Variants in PLEKHA5 observed in about 807,000 individuals in gnomAD.
PLEKHA5 encodes the protein pleckstrin homology domain-containing family A member 5.
Under a neutral mutation model 181.9 loss-of-function variants are expected in PLEKHA5, and 55 were observed. The observed-to-expected ratio is 0.30, with a 90% confidence interval of 0.24 to 0.38. PLEKHA5 has a LOEUF of 0.38. Ranked by LOEUF, PLEKHA5 falls within the 10% of genes least tolerant of loss-of-function variation. PLEKHA5 has a pLI of 1.00. For missense variants in PLEKHA5, 1,432 were observed against 1,549.5 expected (o/e 0.92, Z 1.27); for synonymous variants, 535 against 529.4 (o/e 1.01, Z -0.15).
At chr12:19,302,351 A>G (rs1218673271) in intron 15 of PLEKHA5, among the ~76,000 whole-genome samples, 2 of 152,236 alleles carry the variant, frequency 1.3e-5, no homozygotes, top group Non-Finnish European at 2.9e-5. Flanking sequence ...CTAAGTTACA[A>G]GACAGCTTGA....
chr12:19,217,846 T>A (rs2058240594), intron 3 of PLEKHA5, among the ~76,000 whole-genome samples: 1 of 152,192 alleles, frequency 6.6e-6, no homozygotes, highest in African/African-American at 2.4e-5. Flanking sequence ...AGGGAAGAAG[T>A]GTGCTTTTTA....
At chr12:19,226,317 C>T (rs2059683188) in intron 3 of PLEKHA5, among the ~76,000 whole-genome samples, 1 of 152,084 alleles carries the variant, frequency 6.6e-6, no homozygotes, top group South Asian at 2.1e-4. Context: ...GTAAATGCTA[C>T]GTTTTGTTTT....
chr12:19,303,070 C>T (rs1307355963), intron 15 of PLEKHA5, among the ~76,000 whole-genome samples: 2 of 151,362 alleles, frequency 1.3e-5, no homozygotes, highest in East Asian at 3.9e-4. Flanking sequence ...TACAGGCGCA[C>T]ACCACCGCAC....
At chr12:19,358,980 C>A (rs566138871) in intron 27 of PLEKHA5, among the ~76,000 whole-genome samples, 1 of 152,256 alleles carries the variant, frequency 6.6e-6, no homozygotes, top group South Asian at 2.1e-4. Context: ...GCAGCCTAGC[C>A]AACCTGTTCA....
At chr12:19,225,579 A>C (rs1200081966) in intron 3 of PLEKHA5, among the ~76,000 whole-genome samples, 1 of 152,200 alleles carries the variant, frequency 6.6e-6, no homozygotes, top group African/African-American at 2.4e-5. Flanking sequence ...GACAGTAGGA[A>C]ACAATCTGTT....
chr12:19,200,520 A>G (rs1052860602), intron 3 of PLEKHA5: 21 of 1,356,878 alleles, frequency 1.5e-5, no homozygotes, highest in Admixed American at 3.1e-5. Context: ...ATCTTTGATT[A>G]CTCACCTCAG....
chr12:19,254,878 G>T (rs542826794), intron 4 of PLEKHA5, among the ~76,000 whole-genome samples, 167 bp from the exon 5 acceptor site: 1 of 152,168 alleles, frequency 6.6e-6, no homozygotes, highest in African/African-American at 2.4e-5. Flanking sequence ...TAGGAAAAGC[G>T]TTAGCTGTAT....
chr12:19,354,851 T>C (rs1274871539), intron 26 of PLEKHA5, among the ~76,000 whole-genome samples: 3 of 152,184 alleles, frequency 2.0e-5, no homozygotes, highest in Non-Finnish European at 4.4e-5. Context: ...AAGTTTCTTT[T>C]GATCAGCCTA....
intron 3 of PLEKHA5, among the ~76,000 whole-genome samples, chr12:19,167,010 C>G (rs1475435382): frequency 6.6e-6 from 1 of 152,218 alleles, no homozygotes; most frequent in Non-Finnish European, 1.5e-5. Context: ...TAACTACTCC[C>G]TGTAGACTTA....
chr12:19,313,363 C>A (rs1446231672), intron 15 of PLEKHA5, among the ~76,000 whole-genome samples: 1 of 152,092 alleles, frequency 6.6e-6, no homozygotes, highest in Non-Finnish European at 1.5e-5. Context: ...CAACAGATCA[C>A]CGTAACACTT....
chr12:19,303,660 G>C (rs59254040), intron 15 of PLEKHA5: 9,946 of 152,132 alleles, frequency 0.065, 539 homozygotes, highest in East Asian at 0.18. Flanking sequence ...CTAAGGAGGG[G>C]TGAGCCAGCC....
intron 5 of PLEKHA5, among the ~76,000 whole-genome samples, chr12:19,257,063 A>G (rs941750380): frequency 4.6e-5 from 7 of 152,174 alleles, no homozygotes; most frequent in Non-Finnish European, 8.8e-5. Context: ...TATAAAGGGA[A>G]AAGTTCTGTC....
chr12:19,226,769 A>C lies in PLEKHA5; in HGVS notation c.228-27171A>C, dbSNP rs200967670. On this transcript the variant is annotated intron_variant, in intron 3 of 31. Transcript: ENST00000429027. Reference sequence around the variant, plus strand: ...TTCAGTCATCTGAACATACTTTTTAAGAACAGTGTTTAAGAACTGAATGTG... The same window carrying C: ...TTCAGTCATCTGAACATACTTTTTACGAACAGTGTTTAAGAACTGAATGTG... Among the ~76,000 whole-genome samples, 38 of 152,312 alleles carry C rather than the reference A, an allele frequency of 2.5e-4. No homozygotes were observed. In the East Asian group the frequency reaches 3.5e-3, roughly 14 times the overall value.
chr12:19,328,863 G>A (rs2092553093), intron 20 of PLEKHA5, among the ~76,000 whole-genome samples: 1 of 152,036 alleles, frequency 6.6e-6, no homozygotes, highest in Admixed American at 6.6e-5. Context: ...AGGACTTCCA[G>A]TACTATGTTG....
chr12:19,286,165 G>A (rs1037580036), intron 12 of PLEKHA5, among the ~76,000 whole-genome samples: 3 of 152,172 alleles, frequency 2.0e-5, no homozygotes, highest in Non-Finnish European at 4.4e-5. Flanking sequence ...TAACAGTTGT[G>A]ATGTTTTTAT....
At chr12:19,234,150 GC>G (rs1428946693) in intron 3 of PLEKHA5, among the ~76,000 whole-genome samples, 6 of 152,140 alleles carry the variant, frequency 3.9e-5, no homozygotes, top group Non-Finnish European at 8.8e-5. Context: ...TCTTAGATTT[GC>G]GCTTTTATAA....
At chr12:19,365,302 C>G (rs1163033018) in intron 29 of PLEKHA5, among the ~76,000 whole-genome samples, 1 of 150,504 alleles carries the variant, frequency 6.6e-6, no homozygotes, top group African/African-American at 2.4e-5. Flanking sequence ...GGGAGGTGAG[C>G]TTGCAGTGAG....
intron 3 of PLEKHA5, among the ~76,000 whole-genome samples, chr12:19,170,302 T>C (rs1320752684): frequency 6.6e-6 from 1 of 152,218 alleles, no homozygotes; most frequent in Admixed American, 6.5e-5. Flanking sequence ...ACAATAACTA[T>C]ACTTGAGTAC....
intron 28 of PLEKHA5, among the ~76,000 whole-genome samples, chr12:19,359,965 A>G (rs1221040528): frequency 2.0e-5 from 3 of 151,414 alleles, no homozygotes; most frequent in Non-Finnish European, 4.4e-5. Context: ...GGGAGACTCC[A>G]TCTCAAAAAA....
Sources: allele counts gnomAD v4.1 joint callset (sites outside exome capture counted in the v4.1 genomes callset), GRCh38; gene constraint gnomAD v4.1.1; transcripts MANE v1.5; gene names NCBI Gene and HGNC (gene_info 2026-07-23, HGNC 2026-07-21).